Variants in OPRM1 observed in about 807,000 individuals in gnomAD.
OPRM1 encodes mu-type opioid receptor.
Under a neutral mutation model 31.8 loss-of-function variants are expected in OPRM1, and 27 were observed. That is an observed-to-expected ratio of 0.85 (90% CI 0.63 to 1.17). OPRM1 has a LOEUF of 1.17. OPRM1 is among the 50% of genes most tolerant of loss of function. OPRM1 has a pLI of 0.00. For missense variants in OPRM1, 536 were observed against 511.1 expected (o/e 1.05, Z -0.47); for synonymous variants, 196 against 189.9 (o/e 1.03, Z -0.26).
chr6:154,102,165 C>T (rs1418653735), intron 3 of OPRM1, among the ~76,000 whole-genome samples: 4 of 152,028 alleles, frequency 2.6e-5, no homozygotes, highest in Non-Finnish European at 4.4e-5. Context: ...TCTTAAACTC[C>T]TGGGCTGAAG....
chr6:154,204,534 T>C (rs1041156153), intron 3 of OPRM1, among the ~76,000 whole-genome samples: 2 of 152,100 alleles, frequency 1.3e-5, no homozygotes, highest in African/African-American at 4.8e-5. Flanking sequence ...AGGAGAAGCA[T>C]CACCCTAAAT....
intron 3 of OPRM1, among the ~76,000 whole-genome samples, chr6:154,197,451 G>A (rs532025117): frequency 7.9e-5 from 12 of 152,284 alleles, no homozygotes; most frequent in Non-Finnish European, 1.5e-4. Flanking sequence ...TGTAGCATAT[G>A]AGAACTGCCA....
chr6:154,010,928 C>G, exon 1 of OPRM1: 1 of 1,302,002 alleles, frequency 7.7e-7, no homozygotes, highest in Non-Finnish European at 1.0e-6. Flanking sequence ...AAAATGTTTC[C>G]TGGAAACCTG....
intron 3 of OPRM1, among the ~76,000 whole-genome samples, chr6:154,219,753 A>G (rs1562549463): frequency 6.6e-6 from 1 of 152,236 alleles, no homozygotes; most frequent in Non-Finnish European, 1.5e-5. Flanking sequence ...AAAAAAAGCT[A>G]AAACTAGAAA....
At chr6:154,080,859 A>G (rs1205853929) in intron 1 of OPRM1, among the ~76,000 whole-genome samples, 1 of 152,212 alleles carries the variant, frequency 6.6e-6, no homozygotes, top group East Asian at 1.9e-4. Context: ...ATTATCATCT[A>G]TCCATTCTCC....
At chr6:154,234,292 G>T (rs1779944335) in intron 3 of OPRM1, among the ~76,000 whole-genome samples, 1 of 152,016 alleles carries the variant, frequency 6.6e-6, no homozygotes, top group African/African-American at 2.4e-5. Context: ...AGGCTCCCAG[G>T]GTTCCCCAGA....
chr6:154,034,900 G>C (rs1014491189), upstream of OPRM1, among the ~76,000 whole-genome samples: 42 of 152,144 alleles, frequency 2.8e-4, no homozygotes, highest in Admixed American at 2.2e-3. Context: ...AGTTGATTTA[G>C]TTGGACCCTA....
intron 3 of OPRM1, among the ~76,000 whole-genome samples, chr6:154,180,759 A>G (rs1800804805): frequency 6.6e-6 from 1 of 152,232 alleles, no homozygotes; most frequent in African/African-American, 2.4e-5. Flanking sequence ...GATTCAGAAG[A>G]CAGGAGGGGA....
At chr6:154,105,234 G>T (rs1003470485) in intron 3 of OPRM1, among the ~76,000 whole-genome samples, 1 of 152,170 alleles carries the variant, frequency 6.6e-6, no homozygotes, top group Non-Finnish European at 1.5e-5. Context: ...AAATAAATAT[G>T]CTCCAAATTT....
chr6:154,142,305 C>A (rs977497763), intron 3 of OPRM1, among the ~76,000 whole-genome samples: 1 of 51,842 alleles, frequency 1.9e-5, no homozygotes, highest in Non-Finnish European at 4.5e-5. Flanking sequence ...TAGATAATAA[C>A]ACCTGAAATT....
chr6:154,110,906 A>AAAAAAC (rs1796286822), intron 3 of OPRM1, among the ~76,000 whole-genome samples: 1 of 142,014 alleles, frequency 7.0e-6, no homozygotes, highest in Non-Finnish European at 1.6e-5. Context: ...AAAAAAAAAA[A>AAAAAAC]AAAGAGAGAA....
At chr6:154,079,148 C>T (rs1288120603) in intron 1 of OPRM1, among the ~76,000 whole-genome samples, 2 of 152,084 alleles carry the variant, frequency 1.3e-5, no homozygotes, top group Non-Finnish European at 2.9e-5. Flanking sequence ...GGGAAATAAA[C>T]AAAAGGAATC....
intron 1 of OPRM1, among the ~76,000 whole-genome samples, chr6:154,022,882 G>T (rs991282858): frequency 6.6e-6 from 1 of 151,370 alleles, no homozygotes; most frequent in African/African-American, 2.4e-5. Flanking sequence ...TTTGTTTCTG[G>T]GTTCTCTATT....
intron 3 of OPRM1, chr6:154,221,188 A>G: frequency 9.0e-7 from 1 of 1,105,088 alleles, no homozygotes; most frequent in East Asian, 2.4e-5. Flanking sequence ...TATGATTAGA[A>G]TTCCAGTACC....
At chr6:154,016,357 A>G (rs769639060) in intron 1 of OPRM1, among the ~76,000 whole-genome samples, 1 of 152,232 alleles carries the variant, frequency 6.6e-6, no homozygotes, top group Non-Finnish European at 1.5e-5. Flanking sequence ...AATTATACAC[A>G]AAAAGCATAA....
chr6:154,025,457 G>T (rs1778640813), intron 1 of OPRM1, among the ~76,000 whole-genome samples: 1 of 151,896 alleles, frequency 6.6e-6, no homozygotes, highest in South Asian at 2.1e-4. Context: ...AGATCAATGG[G>T]TCTTTATTTT....
rs1797418114 is a variant in OPRM1, at chr6:154,123,580, C to T, written c.*4859C>T. Among the ~76,000 whole-genome samples the T allele has an allele frequency of 6.6e-6, 1 of 152,174 alleles. No individual in the cohort carries two copies. The highest frequency in any genetic ancestry group is 2.1e-4 in the South Asian group (1 of 4,834). ...TGGCTACTCCATAGGCAGCGTAGCC[C>T]CAAGGGCTGCTGGTTGGCTATTTTT... is the stretch of plus-strand genomic sequence containing the variant. On this transcript the variant is annotated 3_prime_UTR_variant, in exon 4 of 4. Transcript: ENST00000330432.
At chr6:154,118,569 G>T in intron 3 of OPRM1, 114 bp from the exon 4 acceptor site, 1 of 910,986 alleles carries the variant, frequency 1.1e-6, no homozygotes. Flanking sequence ...GCTTGCAGGT[G>T]AAAGTATACA....
chr6:154,059,850 C>T (rs973458204), intron 1 of OPRM1, among the ~76,000 whole-genome samples: 19 of 152,188 alleles, frequency 1.2e-4, no homozygotes, highest in Non-Finnish European at 2.5e-4. Flanking sequence ...CATTGTTCCA[C>T]TGAGAGCTAA....
Sources: allele counts gnomAD v4.1 joint callset (sites outside exome capture counted in the v4.1 genomes callset), GRCh38; gene constraint gnomAD v4.1.1; transcripts MANE v1.5; gene names NCBI Gene and HGNC (gene_info 2026-07-23, HGNC 2026-07-21).